DYM: variants seen among roughly 807,000 people sequenced by gnomAD.
DYM encodes the protein dyggve-Melchior-Clausen syndrome protein.
Under a neutral mutation model 93.1 loss-of-function variants are expected in DYM, and 78 were observed. The ratio of observed to expected loss-of-function variants is 0.84; its 90% confidence interval spans 0.70 to 1.01. The LOEUF is 1.01. Ranked by LOEUF, DYM falls within the 50% of genes least tolerant of loss-of-function variation. The pLI is 0.00. For synonymous variants in DYM, 321 were observed against 319.7 expected (o/e 1.00, Z -0.04); for missense variants, 789 against 845.0 (o/e 0.93, Z 0.82).
chr18:49,424,305 T>A (rs1418190659), intron 2 of DYM, among the ~76,000 whole-genome samples: 1 of 152,096 alleles, frequency 6.6e-6, no homozygotes, highest in African/African-American at 2.4e-5. Flanking sequence ...ACCACATAAT[T>A]ATCTCAATAG....
At chr18:49,250,026 T>C (rs894728233) in intron 13 of DYM, among the ~76,000 whole-genome samples, 2 of 152,236 alleles carry the variant, frequency 1.3e-5, no homozygotes, top group East Asian at 1.9e-4. Context: ...AAGCATCTTA[T>C]GGACACCAGA....
intron 8 of DYM, among the ~76,000 whole-genome samples, chr18:49,319,735 T>TTTCC (rs2062317800): frequency 6.6e-6 from 1 of 152,148 alleles, no homozygotes; most frequent in Non-Finnish European, 1.5e-5. Flanking sequence ...CAGGGCCTGG[T>TTTCC]TTCCAGCTGA....
At chr18:49,449,156 G>A (rs1216434085) in intron 1 of DYM, among the ~76,000 whole-genome samples, 2 of 152,098 alleles carry the variant, frequency 1.3e-5, no homozygotes, top group Non-Finnish European at 2.9e-5. Context: ...CAAGACCTTA[G>A]GCAAATAAAG....
chr18:49,426,225 G>A (rs2074269632), intron 2 of DYM, among the ~76,000 whole-genome samples: 2 of 152,040 alleles, frequency 1.3e-5, no homozygotes, highest in Non-Finnish European at 2.9e-5. Flanking sequence ...CATAAAAGAG[G>A]ATGAGTTCAC....
rs75885874 is a variant in DYM at position 49,179,473 on chromosome 18, T to C, written c.1626-15686A>G. ...GATTCTACCATTTGCTTACAAACCA[T>C]GTCACAACTTTTGACTTGGAATATA... On this transcript the variant is annotated intron_variant, in intron 14 of 17. Transcript: ENST00000675505. 1.3e-3 allele frequency among the ~76,000 whole-genome samples: 198 copies of C among 152,270 alleles called. No homozygotes were observed. In the East Asian group the frequency reaches 0.027, roughly 20 times the overall value.
At chr18:49,109,838 G>A (rs1167960488) in intron 16 of DYM, among the ~76,000 whole-genome samples, 1 of 152,202 alleles carries the variant, frequency 6.6e-6, no homozygotes, top group Non-Finnish European at 1.5e-5. Flanking sequence ...TAGAGCAAAG[G>A]ACAGTCAGTG....
chr18:49,303,664 T>C (rs1467127456), intron 8 of DYM, among the ~76,000 whole-genome samples: 3 of 152,162 alleles, frequency 2.0e-5, no homozygotes, highest in African/African-American at 7.2e-5. Context: ...ATGACAGTGC[T>C]TCCCACAGGA....
intron 6 of DYM, among the ~76,000 whole-genome samples, chr18:49,345,133 C>T (rs955538523): frequency 6.6e-6 from 1 of 152,020 alleles, no homozygotes; most frequent in Non-Finnish European, 1.5e-5. Context: ...TACACAAGGC[C>T]CATGCTGGGA....
At chr18:49,332,463 T>C (rs1193359362) in intron 7 of DYM, among the ~76,000 whole-genome samples, 1 of 152,186 alleles carries the variant, frequency 6.6e-6, no homozygotes, top group Non-Finnish European at 1.5e-5. Context: ...TGAGCTATTA[T>C]AAATTTAGTG....
chr18:49,157,383 A>G (rs1034581472), intron 15 of DYM, among the ~76,000 whole-genome samples: 46 of 152,300 alleles, frequency 3.0e-4, no homozygotes, highest in Admixed American at 2.3e-3. Context: ...GCATAACTGT[A>G]ATAGCTAACC....
chr18:49,266,891 T>C (rs1353349785), intron 11 of DYM, among the ~76,000 whole-genome samples: 1 of 152,172 alleles, frequency 6.6e-6, no homozygotes, highest in African/African-American at 2.4e-5. Context: ...TCATATATTT[T>C]GCTTACAGTG....
At chr18:49,205,710 A>G (rs1267319579) in intron 14 of DYM, among the ~76,000 whole-genome samples, 1 of 152,174 alleles carries the variant, frequency 6.6e-6, no homozygotes, top group Non-Finnish European at 1.5e-5. Flanking sequence ...GGTGTTTTCA[A>G]AAACCCAAGG....
intron 6 of DYM, among the ~76,000 whole-genome samples, chr18:49,335,124 G>C (rs1039789183): frequency 6.6e-6 from 1 of 151,662 alleles, no homozygotes; most frequent in South Asian, 2.1e-4. Context: ...AAAAAATAAA[G>C]AAAGAAAAAG....
At chr18:49,084,438 G>A (rs894378346) in intron 17 of DYM, among the ~76,000 whole-genome samples, 5 of 152,088 alleles carry the variant, frequency 3.3e-5, no homozygotes, top group African/African-American at 1.2e-4. Flanking sequence ...TGCTGCCATT[G>A]GGTAGAATGC....
chr18:49,184,560 T>G (rs1228232600), intron 14 of DYM, among the ~76,000 whole-genome samples: 2 of 152,092 alleles, frequency 1.3e-5, no homozygotes, highest in African/African-American at 2.4e-5. Context: ...AAACCATGGA[T>G]AGTAGCAAAC....
intron 17 of DYM, among the ~76,000 whole-genome samples, chr18:49,045,801 G>C (rs550351153): frequency 2.6e-5 from 4 of 152,180 alleles, no homozygotes; most frequent in African/African-American, 4.8e-5. Context: ...GGCTAAGGAG[G>C]GGGTGGGGGA....
chr18:49,121,159 T>G, intron 15 of DYM, among the ~76,000 whole-genome samples: 1 of 152,182 alleles, frequency 6.6e-6, no homozygotes, highest in East Asian at 1.9e-4. Flanking sequence ...AAAATTTGTT[T>G]GAATTGATTG....
At chr18:49,176,800 C>T (rs924150164) in intron 14 of DYM, among the ~76,000 whole-genome samples, 9 of 152,140 alleles carry the variant, frequency 5.9e-5, no homozygotes, top group Admixed American at 5.9e-4. Flanking sequence ...CTAAAAAGCA[C>T]TTTACTCCTT....
intron 1 of DYM, among the ~76,000 whole-genome samples, chr18:49,437,621 T>C (rs1304802492): frequency 6.6e-6 from 1 of 152,158 alleles, no homozygotes; most frequent in African/African-American, 2.4e-5. Flanking sequence ...GGTATATGCA[T>C]CTGTAATTTT....
Sources: allele counts gnomAD v4.1 joint callset (sites outside exome capture counted in the v4.1 genomes callset), GRCh38; gene constraint gnomAD v4.1.1; transcripts MANE v1.5; gene names NCBI Gene and HGNC (gene_info 2026-07-23, HGNC 2026-07-21).